The following PCDHAC2 variants were observed in gnomAD, a reference collection of about 807,000 sequenced individuals.
PCDHAC2 encodes protocadherin alpha subfamily C, 2, also known as protocadherin alpha-C2.
PCDHAC2 carries 24 observed loss-of-function variants against 63.3 expected under a neutral mutation model. The observed-to-expected ratio is 0.38, with a 90% CI of 0.27 to 0.53. PCDHAC2 has a LOEUF of 0.53. Among genes scored for constraint, PCDHAC2 ranks in the 20% least tolerant of loss-of-function variants. PCDHAC2 has a pLI of 0.81. For synonymous variants in PCDHAC2, 569 were observed against 529.4 expected, an observed-to-expected ratio of 1.07 and a Z score of -1.03; for missense variants, 1,181 against 1,275.2, an observed-to-expected ratio of 0.93 and a Z score of 1.12.
chr5:140,999,614 A>G (rs572897182), intron 3 of PCDHAC2, among the ~76,000 whole-genome samples: 1 of 152,302 alleles, frequency 6.6e-6, no homozygotes, highest in African/African-American at 2.4e-5. Flanking sequence ...GGACCTTATC[A>G]ACCAGGAAAC....
At chr5:140,977,588 A>G (rs1237547807) in intron 1 of PCDHAC2, among the ~76,000 whole-genome samples, 1 of 152,182 alleles carries the variant, frequency 6.6e-6, no homozygotes, top group Non-Finnish European at 1.5e-5. Context: ...GAGAGCAGTT[A>G]GCATGTGAGG....
At chr5:140,982,317 AG>A in intron 2 of PCDHAC2, 157 bp from the exon 3 acceptor site, 1 of 1,347,244 alleles carries the variant, frequency 7.4e-7, no homozygotes, top group East Asian at 2.5e-5. Flanking sequence ...CAGTTTATGC[AG>A]GGTGACTGCT....
intron 3 of PCDHAC2, among the ~76,000 whole-genome samples, chr5:141,002,004 A>G (rs1386748835): frequency 2.0e-5 from 3 of 152,210 alleles, no homozygotes; most frequent in Non-Finnish European, 4.4e-5. Context: ...TTGCAAACAC[A>G]GAATCTGCAC....
intron 2 of PCDHAC2, among the ~76,000 whole-genome samples, chr5:140,980,645 G>A (rs1322302727): frequency 6.7e-6 from 1 of 149,206 alleles, no homozygotes; most frequent in African/African-American, 2.5e-5. Flanking sequence ...ATAAATAAAT[G>A]AATAAAATAA....
intron 3 of PCDHAC2, among the ~76,000 whole-genome samples, chr5:140,984,149 G>C (rs2097089041): frequency 6.6e-6 from 1 of 152,198 alleles, no homozygotes; most frequent in Non-Finnish European, 1.5e-5. Context: ...CATCTGGGAA[G>C]GTGAGAACTT....
chr5:140,966,546 C>T lies in PCDHAC2; in HGVS notation c.-221C>T. 1 of 466,228 alleles carries T rather than the reference C, an allele frequency of 2.1e-6. No homozygotes were observed. Among genetic ancestry groups the T allele is most frequent in the Non-Finnish European group, 3.7e-6 (1 of 273,158 alleles). 28.9% of individuals were successfully genotyped at this position (466,228 alleles called of 1,614,324 possible). On this transcript the variant is annotated 5_prime_UTR_variant, in exon 1 of 4. Coordinates refer to ENST00000289269, the MANE Select transcript of PCDHAC2 (RefSeq NM_018899.6). ...CGAGCCGGGTTGAGCGACTCGGAGG[C>T]GAGCGGAGGAGCTGGAATATGGGGA...
At chr5:140,996,296 T>C (rs1252218880) in intron 3 of PCDHAC2, among the ~76,000 whole-genome samples, 1 of 152,158 alleles carries the variant, frequency 6.6e-6, no homozygotes, top group African/African-American at 2.4e-5. Context: ...GAAGCACAGA[T>C]TGTAACAAAG....
chr5:141,009,491 C>G, intron 3 of PCDHAC2, 136 bp from the exon 4 acceptor site: 1 of 1,475,722 alleles, frequency 6.8e-7, no homozygotes, highest in Non-Finnish European at 9.0e-7. Flanking sequence ...GCCTTGCCCT[C>G]AGACTTGAAC....
At chr5:140,997,099 A>G (rs1554255700) in intron 3 of PCDHAC2, among the ~76,000 whole-genome samples, 6 of 152,108 alleles carry the variant, frequency 3.9e-5, no homozygotes. Context: ...CAGAGTTCTC[A>G]TGCACTCCTG....
intron 2 of PCDHAC2, among the ~76,000 whole-genome samples, chr5:140,979,721 C>T (rs2153819868): frequency 6.6e-6 from 1 of 152,290 alleles, no homozygotes; most frequent in East Asian, 1.9e-4. Context: ...GTATCCATGC[C>T]ATGGGGCCAA....
chr5:140,980,608 G>A (rs994415170), intron 2 of PCDHAC2, among the ~76,000 whole-genome samples: 6 of 151,850 alleles, frequency 4.0e-5, no homozygotes, highest in African/African-American at 7.3e-5. Context: ...CCAGCCTGGC[G>A]ACAGTGCGAG....
chr5:140,967,393 G>A lies in PCDHAC2; in HGVS notation c.627G>A (p.Leu209=), dbSNP rs1437861925. ...AGGAGAACAGTAAAGTGCTTGAGCTGGTGCTGCGTAAGGGCCTAGACCGGG... is the reference window on the plus strand; with the variant it reads ...AGGAGAACAGTAAAGTGCTTGAGCTAGTGCTGCGTAAGGGCCTAGACCGGG... ...PLQENSKVLE[L]VLRKGLDREQ... The change falls in exon 1 of 4, where the codon CTG becomes CTA. Residue 209 remains leucine, a synonymous_variant. Transcript: ENST00000289269. The A allele has an allele frequency of 1.2e-6, 2 of 1,609,910 alleles. No individual in the cohort carries two copies. Among genetic ancestry groups the A allele is most frequent in the African/African-American group, 2.7e-5 (2 of 74,998 alleles).
At chr5:140,978,648 T>C (rs2096814311) in intron 1 of PCDHAC2, among the ~76,000 whole-genome samples, 1 of 152,264 alleles carries the variant, frequency 6.6e-6, no homozygotes, top group African/African-American at 2.4e-5. Flanking sequence ...CAGACTGTTC[T>C]TCCCGTAGTG....
chr5:140,980,598 C>G (rs574589264), intron 2 of PCDHAC2, among the ~76,000 whole-genome samples: 1 of 152,152 alleles, frequency 6.6e-6, no homozygotes, highest in South Asian at 2.1e-4. Flanking sequence ...CCACTGCACT[C>G]CAGCCTGGCG....
At chr5:140,996,591 T>TC (rs201351256) in intron 3 of PCDHAC2, among the ~76,000 whole-genome samples, 1,577 of 152,202 alleles carry the variant, frequency 0.01, 12 homozygotes, top group Middle Eastern at 0.058. Flanking sequence ...AAGGGCCGCC[T>TC]CCCCCCATTT....
At chr5:140,993,466 A>T (rs1374096077) in intron 3 of PCDHAC2, among the ~76,000 whole-genome samples, 2 of 45,548 alleles carry the variant, frequency 4.4e-5, no homozygotes, top group African/African-American at 1.2e-4. Flanking sequence ...TCTTTCTCAC[A>T]CACACACACA....
At chr5:140,988,831 A>G (rs1005821454) in intron 3 of PCDHAC2, 6 of 152,208 alleles carry the variant, frequency 3.9e-5, no homozygotes, top group Non-Finnish European at 7.3e-5. Flanking sequence ...AACAGAGATC[A>G]CGTGTCTCCT....
intron 3 of PCDHAC2, among the ~76,000 whole-genome samples, chr5:140,994,812 A>G (rs565084284): frequency 6.6e-5 from 10 of 152,328 alleles, no homozygotes; most frequent in African/African-American, 2.2e-4. Flanking sequence ...CAAAATACAA[A>G]AAACTGAATT....
intron 1 of PCDHAC2, among the ~76,000 whole-genome samples, chr5:140,976,809 T>C (rs1563451400): frequency 6.6e-6 from 1 of 152,220 alleles, no homozygotes; most frequent in Non-Finnish European, 1.5e-5. Flanking sequence ...TATCTGAAGA[T>C]ATGCATGTGT....
Sources: allele counts gnomAD v4.1 joint callset (sites outside exome capture counted in the v4.1 genomes callset), GRCh38; gene constraint gnomAD v4.1.1; transcripts MANE v1.5; gene names NCBI Gene and HGNC (gene_info 2026-07-23, HGNC 2026-07-21).